The following FBXL17 variants were observed in gnomAD, a reference collection of about 807,000 sequenced individuals.
The protein encoded by FBXL17 is F-box and leucine rich repeat protein 17.
Under a neutral mutation model 66.2 loss-of-function variants are expected in FBXL17, and 22 were observed. The observed-to-expected ratio is 0.33, with a 90% CI of 0.24 to 0.47. The LOEUF is 0.47. Ranked by LOEUF, FBXL17 falls within the 20% of genes least tolerant of loss-of-function variation. The pLI, the probability that FBXL17 is intolerant of heterozygous loss-of-function variation, is 1.00. For synonymous variants in FBXL17, 474 were observed against 400.5 expected (o/e 1.18, Z -2.19); for missense variants, 878 against 948.2 (o/e 0.93, Z 0.97).
intron 7 of FBXL17, among the ~76,000 whole-genome samples, chr5:107,899,544 G>A (rs1580695339): frequency 6.6e-6 from 1 of 152,140 alleles, no homozygotes; most frequent in South Asian, 2.1e-4. Flanking sequence ...GGCTGGTGTG[G>A]GAGGATCACC....
At chr5:108,052,258 A>C (rs1019043402) in intron 6 of FBXL17, among the ~76,000 whole-genome samples, 3 of 152,202 alleles carry the variant, frequency 2.0e-5, no homozygotes, top group African/African-American at 7.2e-5. Flanking sequence ...GAAAAGCGGA[A>C]GATAAATTGT....
intron 7 of FBXL17, among the ~76,000 whole-genome samples, chr5:107,901,589 CTTTG>C (rs956978065): frequency 2.0e-5 from 3 of 152,152 alleles, no homozygotes; most frequent in Non-Finnish European, 4.4e-5. Context: ...CAGGGACACA[CTTTG>C]TTTGCACATA....
chr5:108,317,399 G>C (rs1328336279), intron 4 of FBXL17, among the ~76,000 whole-genome samples: 1 of 149,466 alleles, frequency 6.7e-6, no homozygotes, highest in East Asian at 1.9e-4. Context: ...AAAGTTTGAG[G>C]GGATGCATAT....
chr5:108,025,906 T>C (rs1754803755), intron 6 of FBXL17, among the ~76,000 whole-genome samples: 1 of 143,858 alleles, frequency 7.0e-6, no homozygotes, highest in South Asian at 2.3e-4. Context: ...CACAATTTGG[T>C]ATCTTACAGA....
chr5:108,237,329 A>T (rs1214331124), intron 4 of FBXL17, among the ~76,000 whole-genome samples: 2 of 152,136 alleles, frequency 1.3e-5, no homozygotes, highest in African/African-American at 4.8e-5. Flanking sequence ...ATAGGTTGGG[A>T]TGTGAAGAGT....
At chr5:108,255,585 T>C (rs1756542107) in intron 4 of FBXL17, among the ~76,000 whole-genome samples, 2 of 152,144 alleles carry the variant, frequency 1.3e-5, no homozygotes, top group Non-Finnish European at 2.9e-5. Flanking sequence ...TTAGGCTTAA[T>C]CTCAGGAGTC....
At chr5:108,092,468 AC>A (rs1749222663) in intron 6 of FBXL17, among the ~76,000 whole-genome samples, 1 of 151,968 alleles carries the variant, frequency 6.6e-6, no homozygotes, top group Non-Finnish European at 1.5e-5. Context: ...GGTACTTGCC[AC>A]CACACCTGGC....
chr5:108,248,335 C>T (rs190651659), intron 4 of FBXL17, among the ~76,000 whole-genome samples: 1 of 152,062 alleles, frequency 6.6e-6, no homozygotes, highest in Non-Finnish European at 1.5e-5. Flanking sequence ...ATTGGATGAT[C>T]TCAACAGCAG....
intron 4 of FBXL17, among the ~76,000 whole-genome samples, chr5:108,292,313 G>A (rs983379060): frequency 3.9e-5 from 6 of 151,906 alleles, no homozygotes; most frequent in Non-Finnish European, 5.9e-5. Context: ...TAGAGATAGG[G>A]TTTCTCCATG....
chr5:108,094,190 T>C (rs1232948855), intron 6 of FBXL17, among the ~76,000 whole-genome samples: 3 of 152,160 alleles, frequency 2.0e-5, no homozygotes, highest in East Asian at 1.9e-4. Flanking sequence ...TTTTCAGTCA[T>C]TGTTTTGTAC....
At chr5:108,235,293 T>C (rs1051214127) in intron 4 of FBXL17, among the ~76,000 whole-genome samples, 7 of 152,214 alleles carry the variant, frequency 4.6e-5, no homozygotes, top group African/African-American at 1.4e-4. Flanking sequence ...CATATACTTC[T>C]AATCCTTCTC....
At chr5:108,224,507 G>A (rs1755010677) in intron 4 of FBXL17, among the ~76,000 whole-genome samples, 1 of 149,536 alleles carries the variant, frequency 6.7e-6, no homozygotes, top group African/African-American at 2.5e-5. Flanking sequence ...CCCTCTGTGT[G>A]TGTATATATA....
At chr5:108,133,487 TC>T (rs1751015246) in intron 6 of FBXL17, among the ~76,000 whole-genome samples, 1 of 152,150 alleles carries the variant, frequency 6.6e-6, no homozygotes, top group African/African-American at 2.4e-5. Context: ...CTCCATTCAG[TC>T]ATTCAATCAG....
chr5:107,942,750 A>T (rs1343245612), intron 7 of FBXL17, among the ~76,000 whole-genome samples: 1 of 147,270 alleles, frequency 6.8e-6, no homozygotes, highest in East Asian at 2.0e-4. Flanking sequence ...GTGTACAAAC[A>T]GGCACAATTA....
chr5:108,305,123 T>C (rs75214493), intron 4 of FBXL17, among the ~76,000 whole-genome samples: 1,868 of 152,228 alleles, frequency 0.012, 23 homozygotes, highest in Non-Finnish European at 0.019. Flanking sequence ...AGAGAACTTA[T>C]GTGCAGGAAA....
rs77117990 is a variant in FBXL17 at position 108,044,321 on chromosome 5, T to C, written c.1746-23320A>G. Among the ~76,000 whole-genome samples, 1,514 of 152,312 alleles carry C rather than the reference T, an allele frequency of 9.9e-3. 20 individuals are homozygous for C. Among genetic ancestry groups the C allele is most frequent in the Middle Eastern group, 0.048 (14 of 294 alleles). ...CTATAATGTCAGTGGCAGTATTTTT[T>C]TGTAGATACTCTTCATCAAGTTGAG... On this transcript the variant is annotated intron_variant, in intron 6 of 8. Coordinates refer to ENST00000542267, the MANE Select transcript of FBXL17 (RefSeq NM_001163315.3).
intron 4 of FBXL17, among the ~76,000 whole-genome samples, chr5:108,236,911 C>A (rs1033819624): frequency 2.0e-5 from 3 of 152,166 alleles, no homozygotes; most frequent in Non-Finnish European, 4.4e-5. Flanking sequence ...GAAATTATTT[C>A]CATCTGTTCC....
chr5:107,979,203 T>A (rs966115806), intron 7 of FBXL17, among the ~76,000 whole-genome samples: 2 of 152,132 alleles, frequency 1.3e-5, no homozygotes, highest in Non-Finnish European at 2.9e-5. Flanking sequence ...CTCCTTGGAG[T>A]AAACGGAATT....
At chr5:107,867,897 G>A (rs185772273) in intron 8 of FBXL17, among the ~76,000 whole-genome samples, 2 of 152,290 alleles carry the variant, frequency 1.3e-5, no homozygotes, top group South Asian at 2.1e-4. Context: ...CGTAGTATTA[G>A]GCTTTCGTGT....
Sources: allele counts gnomAD v4.1 joint callset (sites outside exome capture counted in the v4.1 genomes callset), GRCh38; gene constraint gnomAD v4.1.1; transcripts MANE v1.5; gene names NCBI Gene and HGNC (gene_info 2026-07-23, HGNC 2026-07-21).